The following SEMA3A variants were observed in gnomAD, a reference collection of about 807,000 sequenced individuals.
SEMA3A encodes the protein semaphorin 3A, also known as semaphorin-3A.
A neutral mutation model predicts 97.9 loss-of-function variants in SEMA3A; 29 were observed. The observed-to-expected ratio is 0.30, with a 90% CI of 0.22 to 0.40. SEMA3A has a LOEUF of 0.40. SEMA3A is among the 10% of genes least tolerant of loss of function. SEMA3A has a pLI of 1.00. For missense variants in SEMA3A, 763 were observed against 951.3 expected (o/e 0.80, Z 2.60); for synonymous variants, 321 against 323.7 (o/e 0.99, Z 0.09).
chr7:84,451,564 G>C (rs928846095), intron 1 of SEMA3A, among the ~76,000 whole-genome samples: 2 of 152,134 alleles, frequency 1.3e-5, no homozygotes, highest in Admixed American at 1.3e-4. Context: ...ATAGAAATTT[G>C]CCTCATAGAA....
intron 4 of SEMA3A, among the ~76,000 whole-genome samples, chr7:84,086,924 A>AG (rs34446727): frequency 0.41 from 62,595 of 151,554 alleles, 14,783 homozygotes; most frequent in Non-Finnish European, 0.52. Context: ...AGTAATTCTC[A>AG]CAGCTCTCTC....
chr7:83,991,111 C>T (rs1199492402), intron 12 of SEMA3A, among the ~76,000 whole-genome samples: 1 of 149,898 alleles, frequency 6.7e-6, no homozygotes, highest in Non-Finnish European at 1.5e-5. Flanking sequence ...CATGATTTGG[C>T]TCTCTGTTTG....
intron 1 of SEMA3A, among the ~76,000 whole-genome samples, chr7:84,439,064 A>G (rs1805206984): frequency 6.6e-6 from 1 of 151,658 alleles, no homozygotes; most frequent in Non-Finnish European, 1.5e-5. Context: ...AAGAGTATCA[A>G]CTTCTACATA....
chr7:84,114,523 T>C (rs1423823389), intron 3 of SEMA3A, among the ~76,000 whole-genome samples: 1 of 152,138 alleles, frequency 6.6e-6, no homozygotes, highest in Non-Finnish European at 1.5e-5. Context: ...ATCTAGCAGC[T>C]GGGAAAGCAA....
At chr7:83,998,833 A>G (rs768625744) in intron 12 of SEMA3A, among the ~76,000 whole-genome samples, 3 of 152,126 alleles carry the variant, frequency 2.0e-5, no homozygotes, top group Non-Finnish European at 4.4e-5. Context: ...ACACAAAAAC[A>G]TACACTAGCC....
At chr7:84,480,014 C>A (rs575665551) in intron 1 of SEMA3A, among the ~76,000 whole-genome samples, 47 of 152,180 alleles carry the variant, frequency 3.1e-4, no homozygotes, top group African/African-American at 1.1e-3. Context: ...TCTAAAGTAT[C>A]CAGCAGTTAT....
chr7:84,320,848 T>G (rs1801627648), intron 2 of SEMA3A, among the ~76,000 whole-genome samples: 1 of 152,184 alleles, frequency 6.6e-6, no homozygotes, highest in Admixed American at 6.5e-5. Context: ...TCTCTGTGCC[T>G]TCCTTCTTTC....
At chr7:84,149,674 G>A (rs1317061563) in intron 1 of SEMA3A, among the ~76,000 whole-genome samples, 1 of 152,112 alleles carries the variant, frequency 6.6e-6, no homozygotes, top group Non-Finnish European at 1.5e-5. Context: ...ATCACAAAAC[G>A]TGATTGTGTA....
chr7:84,189,766 G>A (rs898007812), intron 1 of SEMA3A, among the ~76,000 whole-genome samples: 5 of 151,368 alleles, frequency 3.3e-5, no homozygotes, highest in South Asian at 4.2e-4. Context: ...CTAATTAAAC[G>A]TATTCCTGAA....
chr7:84,474,892 T>C (rs897807707), intron 1 of SEMA3A, among the ~76,000 whole-genome samples: 2 of 151,860 alleles, frequency 1.3e-5, no homozygotes, highest in Non-Finnish European at 2.9e-5. Context: ...TCAGAACGCT[T>C]TGGAGAAATA....
chr7:84,361,853 A>C (rs1422793876), intron 2 of SEMA3A, among the ~76,000 whole-genome samples: 3 of 152,022 alleles, frequency 2.0e-5, no homozygotes, highest in Non-Finnish European at 4.4e-5. Context: ...CATTTTCATT[A>C]CTTCCTGTGT....
chr7:83,971,738 A>G (rs1257439846), intron 15 of SEMA3A, among the ~76,000 whole-genome samples: 1 of 152,176 alleles, frequency 6.6e-6, no homozygotes, highest in Admixed American at 6.5e-5. Context: ...ATATGAAGTT[A>G]GTGGATGTAG....
chr7:84,070,505 T>C (rs1288406943), intron 4 of SEMA3A, among the ~76,000 whole-genome samples: 3 of 152,124 alleles, frequency 2.0e-5, no homozygotes, highest in Admixed American at 6.6e-5. Flanking sequence ...GATTAAAACG[T>C]AAATGATGTT....
chr7:84,251,108 T>C (rs145859964), intron 3 of SEMA3A, among the ~76,000 whole-genome samples: 182 of 152,304 alleles, frequency 1.2e-3, no homozygotes, highest in African/African-American at 4.1e-3. Flanking sequence ...ATTTTTGCCA[T>C]TTATGTAACA....
chr7:84,113,080 G>A (rs1320870134), intron 3 of SEMA3A, among the ~76,000 whole-genome samples: 1 of 152,214 alleles, frequency 6.6e-6, no homozygotes, highest in East Asian at 1.9e-4. Context: ...GAAGGTTGAT[G>A]CAAATAGAAG....
intron 1 of SEMA3A, among the ~76,000 whole-genome samples, chr7:84,173,936 A>C (rs1168342909): frequency 6.6e-6 from 1 of 152,136 alleles, no homozygotes; most frequent in Non-Finnish European, 1.5e-5. Context: ...CTCCTTACGA[A>C]AATCTAATGC....
chr7:84,209,070 C>T (rs977297121), intron 3 of SEMA3A, among the ~76,000 whole-genome samples: 3 of 152,106 alleles, frequency 2.0e-5, no homozygotes, highest in Non-Finnish European at 4.4e-5. Context: ...ATTGTTCCTC[C>T]AAGAGTTTTA....
intron 1 of SEMA3A, among the ~76,000 whole-genome samples, chr7:84,480,051 T>C (rs1409752081): frequency 6.6e-6 from 1 of 152,208 alleles, no homozygotes; most frequent in Non-Finnish European, 1.5e-5. Context: ...CACTAACCCT[T>C]AAATGACAAC....
intron 12 of SEMA3A, among the ~76,000 whole-genome samples, chr7:83,998,573 AT>A (rs1312787847): frequency 6.6e-6 from 1 of 151,888 alleles, no homozygotes; most frequent in Admixed American, 6.6e-5. Flanking sequence ...GGCTACACTA[AT>A]TTTTTTTAAA....
Sources: gnomAD v4.1 joint callset for allele counts (sites outside exome capture counted in the v4.1 genomes callset) on GRCh38, gnomAD v4.1.1 for gene constraint, MANE v1.5 for transcripts, NCBI Gene and HGNC (gene_info 2026-07-23, HGNC 2026-07-21) for gene names.